The following INTS8 variants were observed in gnomAD, a reference collection of about 807,000 sequenced individuals.
INTS8 encodes the protein integrator complex subunit 8, also known as protein kaonashi-1.
Under a neutral mutation model 138.9 loss-of-function variants are expected in INTS8, and 47 were observed. The ratio of observed to expected loss-of-function variants is 0.34; its 90% CI spans 0.27 to 0.43. The LOEUF (loss-of-function observed/expected upper bound fraction) is 0.43. Ranked by LOEUF, INTS8 falls within the 20% of genes least tolerant of loss-of-function variation. The pLI is 1.00. For synonymous variants in INTS8, 392 were observed against 400.9 expected (o/e 0.98, Z 0.27); for missense variants, 996 against 1,173.0 (o/e 0.85, Z 2.20).
At chr8:94,867,038 G>A in intron 18 of INTS8, 102 bp from the exon 19 acceptor site, 5 of 901,544 alleles carry the variant, frequency 5.5e-6, no homozygotes, top group African/African-American at 1.7e-5. Context: ...TTTTCAAAAG[G>A]CAAGGGTCTT....
At chr8:94,863,751 C>T (rs762598470) in intron 16 of INTS8, among the ~76,000 whole-genome samples, 7 of 151,970 alleles carry the variant, frequency 4.6e-5, no homozygotes, top group Non-Finnish European at 1.0e-4. Context: ...GCATATGATC[C>T]CTGACAACAG....
At chr8:94,860,609 A>G (rs1482073043) in intron 16 of INTS8, among the ~76,000 whole-genome samples, 1 of 151,062 alleles carries the variant, frequency 6.6e-6, no homozygotes, top group Admixed American at 6.6e-5. Flanking sequence ...AAAAAACCCA[A>G]AAAACAAAGT....
chr8:94,880,316 A>G lies in INTS8; in HGVS notation c.*82A>G. On this transcript the variant is annotated 3_prime_UTR_variant, in exon 27 of 27. Coordinates refer to ENST00000523731, the MANE Select transcript of INTS8 (RefSeq NM_017864.4). The stretch of plus-strand genomic sequence containing the variant: ...TTAAAAGGTTAAGTTTATATAATAC[A>G]TATGTACACAATTAGTGGTGTTTTC... The G allele has an allele frequency of 1.5e-6, 1 of 681,852 alleles. No individual in the cohort carries two copies. Among genetic ancestry groups the G allele is most frequent in the Non-Finnish European group, 2.5e-6 (1 of 399,086 alleles). The allele number at this position is 681,852 out of a possible 1,614,324, so 42.2% of individuals were successfully genotyped here. A position where few individuals can be genotyped will look rare whatever the true frequency, so the allele number is the denominator to read the frequency against.
intron 22 of INTS8, among the ~76,000 whole-genome samples, chr8:94,874,223 T>C (rs79658982): frequency 0.012 from 1,744 of 142,440 alleles, 33 homozygotes; most frequent in African/African-American, 0.044. Flanking sequence ...TCCCCATTCC[T>C]GCACCTGGTG....
intron 14 of INTS8, among the ~76,000 whole-genome samples, chr8:94,856,429 G>A (rs1411193474): frequency 6.6e-6 from 1 of 152,180 alleles, no homozygotes; most frequent in Admixed American, 6.5e-5. Flanking sequence ...CCCTTGAATG[G>A]TGTAAGGTCT....
intron 18 of INTS8, 120 bp downstream of exon 18, chr8:94,866,311 G>T: frequency 1.5e-6 from 1 of 651,828 alleles, no homozygotes; most frequent in Non-Finnish European, 2.9e-6. Context: ...TTTTTTTTAA[G>T]GGACAGGGTC....
intron 15 of INTS8, among the ~76,000 whole-genome samples, chr8:94,858,511 C>T (rs570526301): frequency 6.6e-6 from 1 of 152,288 alleles, no homozygotes; most frequent in South Asian, 2.1e-4. Flanking sequence ...GTTTTCCATA[C>T]ATGGTTTTCT....
At chr8:94,832,708 G>T (rs1814769915) in intron 6 of INTS8, among the ~76,000 whole-genome samples, 1 of 151,812 alleles carries the variant, frequency 6.6e-6, no homozygotes, top group African/African-American at 2.4e-5. Flanking sequence ...AGGCTGGAGT[G>T]CAGTGGCATG....
At chr8:94,828,869 A>C in intron 4 of INTS8, 106 bp from the exon 5 acceptor site, 1 of 713,802 alleles carries the variant, frequency 1.4e-6, no homozygotes, top group Non-Finnish European at 2.4e-6. Context: ...CATTAAAAAC[A>C]CTCTTAAATT....
chr8:94,855,044 C>G (rs1167377247), intron 14 of INTS8, among the ~76,000 whole-genome samples: 1 of 151,924 alleles, frequency 6.6e-6, no homozygotes, highest in Non-Finnish European at 1.5e-5. Context: ...CTGCACGTGG[C>G]TGGAACTTGC....
At position 94,859,465 on chromosome 8, in the gene INTS8, T is replaced by G. The variant is rs565521941; in HGVS notation, c.1955-46T>G. On this transcript the variant is annotated intron_variant, in intron 15 of 26. Coordinates refer to ENST00000523731, the MANE Select transcript of INTS8 (RefSeq NM_017864.4). The stretch of plus-strand genomic sequence containing the variant: ...GCAAGTATTTGCTTTGTTCCTATTT[T>G]AATGTTGTGATGGTAATTCCAACTG... 1.5e-5 allele frequency: 24 copies of G among 1,583,128 alleles called. No homozygotes were observed. In the African/African-American group the frequency reaches 2.3e-4, roughly 15 times the overall value.
intron 16 of INTS8, among the ~76,000 whole-genome samples, chr8:94,864,187 G>C (rs1264924297): frequency 6.6e-6 from 1 of 151,076 alleles, no homozygotes; most frequent in Non-Finnish European, 1.5e-5. Flanking sequence ...TTATTTTTCT[G>C]TTTGAAATTT....
chr8:94,870,152 C>T (rs1052262067), intron 20 of INTS8, among the ~76,000 whole-genome samples: 7 of 151,648 alleles, frequency 4.6e-5, no homozygotes, highest in East Asian at 1.9e-4. Flanking sequence ...CCCGGGTTCA[C>T]GCCATTCTCC....
rs1814743931 is a variant in INTS8, at chr8:94,832,183, T to C, written c.753+9T>C. The C allele has an allele frequency of 6.2e-7, 1 of 1,603,728 alleles. No individual in the cohort carries two copies. The highest frequency in any genetic ancestry group is 8.5e-7 in the Non-Finnish European group (1 of 1,177,082). ...AAGAAATGCAGTGCCAGGTATTCAT[T>C]TGATACTTAATTTACGTAGGGCAAT... On this transcript the variant is annotated intron_variant, in intron 6 of 26. Coordinates refer to ENST00000523731, the MANE Select transcript of INTS8 (RefSeq NM_017864.4).
intron 23 of INTS8, chr8:94,875,831 T>G (rs1419768934): frequency 2.4e-6 from 1 of 424,846 alleles, no homozygotes; most frequent in Non-Finnish European, 4.3e-6. Context: ...TTTTCTGAAC[T>G]GGCTTTTTGC....
chr8:94,868,614 G>A (rs750329006), intron 20 of INTS8: 1 of 152,128 alleles, frequency 6.6e-6, no homozygotes, highest in Non-Finnish European at 1.5e-5. Flanking sequence ...AAAATCTGTT[G>A]TTAGATACCA....
chr8:94,841,655 C>T (rs1378282009), intron 9 of INTS8, 64 bp downstream of exon 9: 2 of 820,922 alleles, frequency 2.4e-6, no homozygotes. Context: ...TCTGGTTTAT[C>T]AAAACCACAT....
chr8:94,842,495 C>T lies in INTS8; in HGVS notation c.1260+7C>T, dbSNP rs373824472. ...AATAGACTTTCTTCTTGAGGTATGA[C>T]ATGTTTTTCTTTCCCCTTTTGATTT... is the stretch of plus-strand genomic sequence containing the variant. On this transcript the variant is annotated splice_region_variant and intron_variant, in intron 10 of 26. Transcript: ENST00000523731. 5.6e-5 allele frequency: 89 copies of T among 1,589,618 alleles called. No individual in the cohort carries two copies. The highest frequency in any genetic ancestry group is 3.4e-4 in the Middle Eastern group (2 of 5,956).
At position 94,842,369 on chromosome 8, in the gene INTS8, T is replaced by A; in HGVS notation, c.1141T>A (p.Cys381Ser). 1 of 1,588,410 alleles carries A rather than the reference T, an allele frequency of 6.3e-7. No homozygotes were observed. The highest frequency in any genetic ancestry group is 8.6e-7 in the Non-Finnish European group (1 of 1,165,536). The change falls in exon 10 of 27, where the codon TGT becomes AGT. Residue 381 changes from cysteine (C) to serine (S), a missense_variant. Cys to Ser is a moderately radical substitution (Grantham distance 112). Coordinates refer to ENST00000523731, the MANE Select transcript of INTS8 (RefSeq NM_017864.4). ...QQGNEALDEICFKVCACNTVR... is the reference protein window; with the variant it reads ...QQGNEALDEISFKVCACNTVR... ...CAGAAATGAAGCTCTAGATGAAATCTGTTTTAAAGTTTGTGCCTGTAATAC... is the reference window on the plus strand; with the variant it reads ...CAGAAATGAAGCTCTAGATGAAATCAGTTTTAAAGTTTGTGCCTGTAATAC...
Sources: allele counts gnomAD v4.1 joint callset (sites outside exome capture counted in the v4.1 genomes callset), GRCh38; gene constraint gnomAD v4.1.1; transcripts MANE v1.5; gene names NCBI Gene and HGNC (gene_info 2026-07-23, HGNC 2026-07-21).